TIAM1: variants seen among roughly 807,000 people sequenced by gnomAD.
TIAM1 encodes TIAM Rac1 associated GEF 1.
A neutral mutation model predicts 163.5 loss-of-function variants in TIAM1; 65 were observed. The observed-to-expected ratio is 0.40, with a 90% CI of 0.33 to 0.49. The LOEUF (loss-of-function observed/expected upper bound fraction) is 0.49. TIAM1 is among the 20% of genes least tolerant of loss of function. The probability of loss-of-function intolerance (pLI) is 0.77; values close to 1 mark genes in which losing one functional copy is unlikely to be tolerated. For missense variants in TIAM1, 1,789 were observed against 2,044.7 expected (o/e 0.87, Z 2.41); for synonymous variants, 833 against 810.1 (o/e 1.03, Z -0.48).
intron 1 of TIAM1, among the ~76,000 whole-genome samples, chr21:31,474,334 C>G (rs1206514713): frequency 6.6e-6 from 1 of 152,210 alleles, no homozygotes; most frequent in Non-Finnish European, 1.5e-5. Flanking sequence ...ACAGCACAGA[C>G]TCTGGGTCAG....
At chr21:31,231,245 C>T (rs771327321) in intron 6 of TIAM1, among the ~76,000 whole-genome samples, 2 of 152,140 alleles carry the variant, frequency 1.3e-5, no homozygotes, top group East Asian at 1.9e-4. Flanking sequence ...CATGTTAAGC[C>T]GCTGAGATTT....
At chr21:31,126,680 A>G (rs950745330) in intron 26 of TIAM1, among the ~76,000 whole-genome samples, 34 of 152,306 alleles carry the variant, frequency 2.2e-4, no homozygotes, top group African/African-American at 7.9e-4. Flanking sequence ...GTATTTTTAG[A>G]AAAATAAAAG....
intron 1 of TIAM1, among the ~76,000 whole-genome samples, chr21:31,501,894 G>A (rs1204861201): frequency 3.3e-5 from 5 of 151,758 alleles, no homozygotes; most frequent in South Asian, 2.1e-4. Context: ...TGAGCACTGC[G>A]CCCAGCCTTG....
At chr21:31,527,082 G>C (rs2047812524) in intron 1 of TIAM1, among the ~76,000 whole-genome samples, 1 of 152,134 alleles carries the variant, frequency 6.6e-6, no homozygotes, top group Non-Finnish European at 1.5e-5. Flanking sequence ...CTGTGGAACA[G>C]ACACCGGAGA....
intron 2 of TIAM1, among the ~76,000 whole-genome samples, chr21:31,424,797 TC>T (rs1334639358): frequency 6.6e-6 from 1 of 152,202 alleles, no homozygotes; most frequent in South Asian, 2.1e-4. Context: ...ACGCCTATAA[TC>T]CCAGCACTTT....
chr21:31,305,388 G>T (rs576954669), intron 2 of TIAM1, among the ~76,000 whole-genome samples: 1 of 151,136 alleles, frequency 6.6e-6, no homozygotes, highest in South Asian at 2.1e-4. Context: ...ATAGATTAGG[G>T]AAGGAGCGAT....
chr21:31,378,635 G>A (rs926695549), intron 2 of TIAM1, among the ~76,000 whole-genome samples: 2 of 152,128 alleles, frequency 1.3e-5, no homozygotes, highest in African/African-American at 4.8e-5. Context: ...TGGCTTCCCT[G>A]ATTCCCTGAA....
chr21:31,146,526 C>G (rs1260094130), intron 20 of TIAM1, among the ~76,000 whole-genome samples: 2 of 150,080 alleles, frequency 1.3e-5, no homozygotes, highest in African/African-American at 4.9e-5. Context: ...GCCTGGCCAA[C>G]GTGGCGAAAC....
intron 8 of TIAM1, among the ~76,000 whole-genome samples, chr21:31,219,484 A>G (rs1043057290): frequency 6.6e-6 from 1 of 152,206 alleles, no homozygotes; most frequent in Non-Finnish European, 1.5e-5. Flanking sequence ...CACTGTTGGT[A>G]ACATGAGGGG....
intron 1 of TIAM1, among the ~76,000 whole-genome samples, chr21:31,508,465 T>G (rs9976139): frequency 6.7e-6 from 1 of 149,894 alleles, no homozygotes; most frequent in Non-Finnish European, 1.5e-5. Flanking sequence ...CTCGGCTCAC[T>G]GCAACCTCCG....
chr21:31,268,800 A>C (rs1278335195), intron 3 of TIAM1, among the ~76,000 whole-genome samples: 1 of 152,232 alleles, frequency 6.6e-6, no homozygotes, highest in Non-Finnish European at 1.5e-5. Context: ...CATTTCTTAC[A>C]AGTAAAATAA....
Position 31,118,494 on chromosome 21 carries a change from T to C in TIAM1, c.*1874A>G. The C allele has an allele frequency of 2.3e-6, 1 of 443,002 alleles. No homozygotes were observed. Among genetic ancestry groups the C allele is most frequent in the Non-Finnish European group, 4.6e-6 (1 of 218,726 alleles). 27.4% of individuals were successfully genotyped at this position (443,002 alleles called of 1,614,324 possible). On this transcript the variant is annotated 3_prime_UTR_variant, in exon 28 of 28. Transcript: ENST00000541036. ...AGACCTAAAAACATAAAAATAGACCTTCTTTCAGCTTATAAAAGAAATATA... is the reference window on the plus strand; with the variant it reads ...AGACCTAAAAACATAAAAATAGACCCTCTTTCAGCTTATAAAAGAAATATA...
chr21:31,266,429 C>G lies in TIAM1; in HGVS notation c.544G>C (p.Glu182Gln). ...TGGCTCAGATCAGAGAGTGAGAATT[C>G]CAGGCTGTCCTCCCGCCAGATGTCT... The part of the protein sequence containing the change: ...SADIWREDSL[E>Q]FSLSDLSQEH... Residue 182 changes from glutamate to glutamine, a missense_variant, in exon 4 of 28, where the codon GAA (glutamate) becomes CAA (glutamine). Coordinates refer to ENST00000541036, the MANE Select transcript of TIAM1 (RefSeq NM_001353694.2). The G allele has an allele frequency of 6.2e-7, 1 of 1,614,196 alleles. No homozygotes were observed. The highest frequency in any genetic ancestry group is 8.5e-7 in the Non-Finnish European group (1 of 1,180,042).
chr21:31,468,430 C>T (rs1159914407), intron 1 of TIAM1, among the ~76,000 whole-genome samples: 3 of 150,584 alleles, frequency 2.0e-5, no homozygotes, highest in Non-Finnish European at 4.4e-5. Context: ...TTTCAGTGAG[C>T]GAAGATCACA....
intron 1 of TIAM1, among the ~76,000 whole-genome samples, chr21:31,505,088 G>A (rs1313237541): frequency 6.6e-6 from 1 of 152,170 alleles, no homozygotes; most frequent in Non-Finnish European, 1.5e-5. Context: ...AGGACCCCAT[G>A]GGCCTAAAGC....
At chr21:31,292,463 G>A (rs1477441172) in intron 2 of TIAM1, among the ~76,000 whole-genome samples, 2 of 150,714 alleles carry the variant, frequency 1.3e-5, no homozygotes, top group African/African-American at 2.4e-5. Flanking sequence ...TCTGCCTCCC[G>A]GGTTCAAGTG....
intron 1 of TIAM1, among the ~76,000 whole-genome samples, chr21:31,478,310 A>G (rs1041602169): frequency 2.0e-5 from 3 of 152,200 alleles, no homozygotes; most frequent in African/African-American, 7.2e-5. Flanking sequence ...AAATAGAACC[A>G]AGCTTTCTGT....
At chr21:31,328,725 G>A (rs1455626865) in intron 2 of TIAM1, among the ~76,000 whole-genome samples, 1 of 144,988 alleles carries the variant, frequency 6.9e-6, no homozygotes, top group Non-Finnish European at 1.5e-5. Context: ...CCCACCCCCC[G>A]ACAGGCCCAG....
intron 1 of TIAM1, among the ~76,000 whole-genome samples, chr21:31,473,689 A>G (rs1169811431): frequency 6.6e-6 from 1 of 152,058 alleles, no homozygotes; most frequent in East Asian, 1.9e-4. Flanking sequence ...AAGTAGCAGG[A>G]AAGGGGTCCC....
Sources: allele counts gnomAD v4.1 joint callset (sites outside exome capture counted in the v4.1 genomes callset), GRCh38; gene constraint gnomAD v4.1.1; transcripts MANE v1.5; gene names NCBI Gene and HGNC (gene_info 2026-07-23, HGNC 2026-07-21).